The following KCNAB2 variants were observed in gnomAD, a reference collection of about 807,000 sequenced individuals.
The protein encoded by KCNAB2 is potassium voltage-gated channel subfamily A regulatory beta subunit 2, also known as voltage-gated potassium channel subunit beta-2.
A neutral mutation model predicts 63.6 loss-of-function variants in KCNAB2; 29 were observed. The ratio of observed to expected loss-of-function variants is 0.46; its 90% CI spans 0.34 to 0.62. The LOEUF (loss-of-function observed/expected upper bound fraction) is 0.62. KCNAB2 is among the 20% of genes least tolerant of loss of function. The probability of loss-of-function intolerance (pLI) is 0.01; values close to 1 mark genes in which losing one functional copy is unlikely to be tolerated. For synonymous variants in KCNAB2, 222 were observed against 224.2 expected (o/e 0.99, Z 0.09); for missense variants, 359 against 563.9 (o/e 0.64, Z 3.68).
At chr1:6,039,871 GTC>G (rs1660354297) in intron 1 of KCNAB2, among the ~76,000 whole-genome samples, 1 of 152,242 alleles carries the variant, frequency 6.6e-6, no homozygotes, top group Non-Finnish European at 1.5e-5. Context: ...AGGAGGGACA[GTC>G]TCTAGCAAGA....
intron 4 of KCNAB2, among the ~76,000 whole-genome samples, chr1:6,080,080 T>C (rs11121187): frequency 0.73 from 111,357 of 152,144 alleles, 40,995 homozygotes; most frequent in East Asian, 0.9. Context: ...GTCTGAAATA[T>C]AAAAACAGAA....
chr1:6,058,322 C>T (rs1662013674), intron 2 of KCNAB2, among the ~76,000 whole-genome samples: 2 of 152,184 alleles, frequency 1.3e-5, no homozygotes, highest in African/African-American at 4.8e-5. Context: ...ACATTTCGAC[C>T]TGCCACAGGC....
At chr1:6,098,446 G>A (rs1374733775) in intron 15 of KCNAB2, 39 bp from the exon 16 acceptor site, 1 of 1,612,008 alleles carries the variant, frequency 6.2e-7, no homozygotes, top group East Asian at 2.2e-5. Context: ...GGCCCGTCTT[G>A]TTGGTGGGAT....
chr1:6,041,725 A>G (rs1309796914), upstream of KCNAB2: 2 of 977,546 alleles, frequency 2.0e-6, no homozygotes, highest in Non-Finnish European at 3.2e-6. Flanking sequence ...GGCATGGGAC[A>G]TTGGTGGTTC....
Position 6,013,024 on chromosome 1 carries a change from G to A in KCNAB2, c.-53+20236G>A, listed in dbSNP as rs956542421. Among the ~76,000 whole-genome samples, 8 of 152,172 alleles carry A rather than the reference G, an allele frequency of 5.3e-5. No individual in the cohort carries two copies. In the South Asian group the frequency reaches 8.3e-4, roughly 16 times the overall value. On this transcript the variant is annotated intron_variant, in intron 1 of 16. Transcript: ENST00000341524. ...CTGCAGCTGCAGGGCACCCTCTGTC[G>A]CCCTAAGAGGAGCAGCAGAACATGA... is the stretch of plus-strand genomic sequence containing the variant.
Position 6,087,444 on chromosome 1 carries a change from C to T in KCNAB2, c.426-23C>T, listed in dbSNP as rs1664798090. 6.2e-7 allele frequency: 1 copy of T among 1,613,978 alleles called. No individual in the cohort carries two copies. Among genetic ancestry groups the T allele is most frequent in the East Asian group, 2.2e-5 (1 of 44,886 alleles). On this transcript the variant is annotated intron_variant, in intron 6 of 15. Transcript: ENST00000378083. This position sits in a 1 kb window ranked among gnomAD's most constrained non-coding sequence, Gnocchi z 6.4. Reference sequence around the variant, plus strand: ...CCCAGGGGCCGGGCTTATCACACCCCTTCTTTCTCTTCTGTTCCACAGGCG... The same window carrying T: ...CCCAGGGGCCGGGCTTATCACACCCTTTCTTTCTCTTCTGTTCCACAGGCG...
chr1:6,002,568 C>A (rs944041929), intron 1 of KCNAB2, among the ~76,000 whole-genome samples: 1 of 152,250 alleles, frequency 6.6e-6, no homozygotes, highest in Non-Finnish European at 1.5e-5. Context: ...GCCCACACCA[C>A]CGATGAGGAC....
In KCNAB2 at chr1:6,087,581, C is replaced by T; in HGVS notation, c.470+70C>T. On this transcript the variant is annotated intron_variant, in intron 7 of 15. Transcript: ENST00000378083. This position sits in a 1 kb window ranked among gnomAD's most constrained non-coding sequence, Gnocchi z 6.4. The stretch of plus-strand genomic sequence containing the variant: ...CACGGCCCCGTGCTCCCCAGAGACC[C>T]CTGACCTAGAAGGCTCCTGGGGTGG... 1 of 1,536,838 alleles carries T rather than the reference C, an allele frequency of 6.5e-7. No homozygotes were observed. The highest frequency in any genetic ancestry group is 9.0e-7 in the Non-Finnish European group (1 of 1,110,868).
Position 5,999,839 on chromosome 1 carries a change from A to G in KCNAB2, c.-53+7051A>G, listed in dbSNP as rs115762619. On this transcript the variant is annotated intron_variant, in intron 1 of 16. Transcript: ENST00000341524. ...CCTGCCTGCGCCCTGTCTGTACCCC[A>G]TGTGCGCCCCATCCGTACCCTGCCT... Among the ~76,000 whole-genome samples, 1,398 of 149,772 alleles carry G rather than the reference A, an allele frequency of 9.3e-3. 25 individuals are homozygous for G. Among genetic ancestry groups the G allele is most frequent in the African/African-American group, 0.032 (1,315 of 40,526 alleles).
At position 6,069,497 on chromosome 1, in the gene KCNAB2, C is replaced by T. The variant is rs1663023174; in HGVS notation, c.219-3258C>T. On this transcript the variant is annotated intron_variant, in intron 2 of 15. Coordinates refer to ENST00000378083, the MANE Select transcript of KCNAB2 (RefSeq NM_001199862.2). The surrounding 1 kb of genome is among the most constrained non-coding windows in gnomAD (Gnocchi z 5.4). ...GAGTCCTCACTCCAGGAGTCCAGAC[C>T]CCAGGAGAGACATGAGGCAAATTAA... 6.6e-6 allele frequency among the ~76,000 whole-genome samples: 1 copy of T among 152,106 alleles called. No homozygotes were observed. Among genetic ancestry groups the T allele is most frequent in the Non-Finnish European group, 1.5e-5 (1 of 68,022 alleles).
At chr1:6,016,712 A>C (rs1228783975) in intron 1 of KCNAB2, among the ~76,000 whole-genome samples, 1 of 152,196 alleles carries the variant, frequency 6.6e-6, no homozygotes, top group African/African-American at 2.4e-5. Flanking sequence ...CACTGCAGTG[A>C]CGCTATGGAG....
upstream of KCNAB2, among the ~76,000 whole-genome samples, chr1:6,031,170 G>T (rs181267949): frequency 6.6e-6 from 1 of 152,058 alleles, no homozygotes; most frequent in South Asian, 2.1e-4. This position sits in a 1 kb window ranked among gnomAD's most constrained non-coding sequence, Gnocchi z 4.1. Context: ...TTGACTCCTG[G>T]GCTCAGTCCT....
chr1:6,080,534 T>C (rs1269492492), intron 4 of KCNAB2, among the ~76,000 whole-genome samples: 1 of 152,192 alleles, frequency 6.6e-6, no homozygotes, highest in Non-Finnish European at 1.5e-5. Context: ...ACCCCCGGGC[T>C]TCCTGACTCA....
intron 2 of KCNAB2, among the ~76,000 whole-genome samples, chr1:6,058,932 AGCCTC>A (rs1462023302): frequency 6.6e-6 from 1 of 151,806 alleles, no homozygotes; most frequent in African/African-American, 2.4e-5. Context: ...ACCACATTGG[AGCCTC>A]GGTGGTCATG....
intron 5 of KCNAB2, among the ~76,000 whole-genome samples, chr1:6,083,926 C>T (rs1453976481): frequency 2.0e-5 from 3 of 152,268 alleles, no homozygotes; most frequent in African/African-American, 4.8e-5. Context: ...GTCTGCTGCT[C>T]CTCTGCCCCA....
intron 1 of KCNAB2, among the ~76,000 whole-genome samples, chr1:6,016,800 G>T (rs1658531159): frequency 6.6e-6 from 1 of 152,228 alleles, no homozygotes. Context: ...TGGACCTGCT[G>T]CATCTGATCC....
At chr1:6,081,238 C>G (rs1049524406) in intron 4 of KCNAB2, among the ~76,000 whole-genome samples, 2 of 152,222 alleles carry the variant, frequency 1.3e-5, no homozygotes. Context: ...ACAGCAGTGC[C>G]GCTCAGGGCC....
rs1665772468 is a variant in KCNAB2 at position 6,097,783 on chromosome 1, A to G, written c.1158+426A>G. ...GCAGGAAGAGTTGATGCAAAGGCCC[A>G]AAAAGGCCTGGAGCAGAGGGGCAGA... On this transcript the variant is annotated intron_variant, in intron 15 of 15. Coordinates refer to ENST00000378083, the MANE Select transcript of KCNAB2 (RefSeq NM_001199862.2). 4 of 391,376 alleles carry G rather than the reference A, an allele frequency of 1.0e-5. No individual in the cohort carries two copies. The East Asian group carries it at 1.6e-4, about 16-fold the overall frequency. 24.2% of individuals were successfully genotyped at this position (391,376 alleles called of 1,614,324 possible).
intron 9 of KCNAB2, among the ~76,000 whole-genome samples, chr1:6,090,832 C>T (rs918787525): frequency 2.0e-5 from 3 of 152,324 alleles, no homozygotes; most frequent in Admixed American, 1.3e-4. Flanking sequence ...ACTCCAACTG[C>T]GGTGTTCTCT....
Sources: gnomAD v4.1 joint callset for allele counts (sites outside exome capture counted in the v4.1 genomes callset) on GRCh38, gnomAD v4.1.1 for gene constraint, Gnocchi (gnomAD v3.1) non-coding constraint, MANE v1.5 for transcripts, NCBI Gene and HGNC (gene_info 2026-07-23, HGNC 2026-07-21) for gene names.